Variants in TGIF1 observed in about 807,000 individuals in gnomAD.
TGIF1 encodes the protein homeobox protein TGIF1.
TGIF1 carries 4 observed loss-of-function variants against 19.3 expected under a neutral mutation model. The ratio of observed to expected loss-of-function variants is 0.21; its 90% CI spans 0.10 to 0.47. The LOEUF (loss-of-function observed/expected upper bound fraction) is 0.47. Ranked by LOEUF, TGIF1 falls within the 20% of genes least tolerant of loss-of-function variation. The pLI is 0.98. For missense variants in TGIF1, 275 were observed against 341.4 expected, an observed-to-expected ratio of 0.81 and a Z score of 1.53; for synonymous variants, 122 against 129.3, an observed-to-expected ratio of 0.94 and a Z score of 0.38.
At position 3,457,566 on chromosome 18, in the gene TGIF1, A is replaced by T. The variant is rs761613438; in HGVS notation, c.445A>T (p.Asn149Tyr). ...TPFHSCTAGP[N>Y]PTLGRPLSPK... ...ATTTCATTCCTGTACAGCTGGGCCA[A>T]ACCCAACCCTAGGGAGGCCACTGTC... The change falls in exon 3 of 3, where the codon AAC (asparagine) becomes TAC (tyrosine). Residue 149 changes from asparagine (N) to tyrosine (Y), a missense_variant. Coordinates refer to ENST00000343820, the MANE Select transcript of TGIF1 (RefSeq NM_003244.4). This position sits in a 1 kb window ranked among gnomAD's most constrained non-coding sequence, Gnocchi z 4.9. 2 of 1,614,148 alleles carry T rather than the reference A, an allele frequency of 1.2e-6. No homozygotes were observed. The highest frequency in any genetic ancestry group is 8.5e-7 in the Non-Finnish European group (1 of 1,180,016).
chr18:3,421,289 G>A (rs1036335758), intron 2 of TGIF1, among the ~76,000 whole-genome samples: 16 of 146,606 alleles, frequency 1.1e-4, no homozygotes, highest in Non-Finnish European at 1.9e-4. Flanking sequence ...TGGAGTTTGC[G>A]TCTTACTATA....
upstream of TGIF1, among the ~76,000 whole-genome samples, chr18:3,447,194 G>GA (rs2082759158): frequency 1.3e-5 from 2 of 151,766 alleles, no homozygotes; most frequent in Admixed American, 6.6e-5. Flanking sequence ...TGCCTGGAGA[G>GA]AAAAAAAATA....
At chr18:3,421,408 T>A (rs1037107782) in intron 2 of TGIF1, among the ~76,000 whole-genome samples, 2 of 147,804 alleles carry the variant, frequency 1.4e-5, no homozygotes, top group African/African-American at 4.9e-5. Flanking sequence ...GTATATAAAA[T>A]ATATATATAC....
intron 2 of TGIF1, among the ~76,000 whole-genome samples, chr18:3,424,099 A>G (rs1204318783): frequency 6.6e-6 from 1 of 152,210 alleles, no homozygotes; most frequent in African/African-American, 2.4e-5. Flanking sequence ...ATTTGGGTCT[A>G]TGTGAGAGCA....
chr18:3,445,505 A>G (rs2082729143), upstream of TGIF1, among the ~76,000 whole-genome samples: 1 of 151,672 alleles, frequency 6.6e-6, no homozygotes, highest in Non-Finnish European at 1.5e-5. Flanking sequence ...CGGGCGGATC[A>G]TGAGGTCAGG....
At chr18:3,433,519 T>C (rs768713820) in intron 2 of TGIF1, among the ~76,000 whole-genome samples, 22 of 152,314 alleles carry the variant, frequency 1.4e-4, no homozygotes, top group Middle Eastern at 3.4e-3. Context: ...AGGACAAATA[T>C]TGTGATTCTA....
chr18:3,434,828 C>G, intron 2 of TGIF1, among the ~76,000 whole-genome samples: 1 of 152,182 alleles, frequency 6.6e-6, no homozygotes. Context: ...TGTTTGGTGA[C>G]CCGTGACCCT....
intron 1 of TGIF1, chr18:3,453,876 T>G (rs2083077026): frequency 1.0e-6 from 1 of 980,828 alleles, no homozygotes; most frequent in African/African-American, 1.7e-5. Context: ...GCAAGACGTT[T>G]GGAAACAAGT....
At chr18:3,447,634 G>T (rs1329579302), upstream of TGIF1, 3 of 1,254,076 alleles carry the variant, frequency 2.4e-6, no homozygotes, top group South Asian at 3.6e-5. Context: ...GGAGGCAGTG[G>T]GGGTGCATCT....
chr18:3,452,768 C>T (rs550918986), intron 1 of TGIF1, among the ~76,000 whole-genome samples: 1 of 152,296 alleles, frequency 6.6e-6, no homozygotes, highest in East Asian at 1.9e-4. Context: ...TCGGGCCCTC[C>T]TTACTGTCTT....
chr18:3,443,125 T>C (rs534178062), intron 2 of TGIF1, among the ~76,000 whole-genome samples: 2 of 152,330 alleles, frequency 1.3e-5, no homozygotes, highest in East Asian at 3.9e-4. Flanking sequence ...CCCAGCCGGT[T>C]CATTATCAGT....
Position 3,457,581 on chromosome 18 carries a change from A to G in TGIF1, c.460A>G (p.Arg154Gly), listed in dbSNP as rs2049399407. 9 of 1,614,168 alleles carry G rather than the reference A, an allele frequency of 5.6e-6. No homozygotes were observed. Among genetic ancestry groups the G allele is most frequent in the Middle Eastern group, 1.6e-4 (1 of 6,062 alleles). Reference protein sequence around the residue: ...CTAGPNPTLGRPLSPKPSSPG... With the variant: ...CTAGPNPTLGGPLSPKPSSPG... ...AGCTGGGCCAAACCCAACCCTAGGG[A>G]GGCCACTGTCTCCTAAGCCGTCATC... is the stretch of plus-strand genomic sequence containing the variant. The change falls in exon 3 of 3, where the codon AGG (arginine) becomes GGG (glycine). Residue 154 changes from arginine (R) to glycine (G), a missense_variant. Arg to Gly is a moderately radical substitution (Grantham distance 125). Coordinates refer to ENST00000343820, the MANE Select transcript of TGIF1 (RefSeq NM_003244.4). This position sits in a 1 kb window ranked among gnomAD's most constrained non-coding sequence, Gnocchi z 4.9.
intron 2 of TGIF1, among the ~76,000 whole-genome samples, chr18:3,433,295 A>G (rs2082574189): frequency 6.6e-6 from 1 of 151,862 alleles, no homozygotes; most frequent in South Asian, 2.1e-4. Context: ...GCTGGTCTCC[A>G]ACTCCTGGCC....
Position 3,459,658 on chromosome 18 carries a change from G to A in TGIF1, c.*1718G>A, listed in dbSNP as rs1340977955. ...TAGTATAGATGAGGGAAATGAGCAA[G>A]TCCTAAAAGGTTTGCCCTGTTACGG... On this transcript the variant is annotated 3_prime_UTR_variant, in exon 3 of 3. Coordinates refer to ENST00000343820, the MANE Select transcript of TGIF1 (RefSeq NM_003244.4). The A allele has an allele frequency of 6.6e-6, 1 of 152,214 alleles. No individual in the cohort carries two copies. Among genetic ancestry groups the A allele is most frequent in the Non-Finnish European group, 1.5e-5 (1 of 68,036 alleles). 9.4% of individuals were successfully genotyped at this position (152,214 alleles called of 1,614,324 possible).
At chr18:3,439,222 T>C (rs1274772421) in intron 2 of TGIF1, among the ~76,000 whole-genome samples, 3 of 152,136 alleles carry the variant, frequency 2.0e-5, no homozygotes, top group Non-Finnish European at 4.4e-5. Context: ...GGGGATTTAT[T>C]ACACTAGGAT....
chr18:3,415,119 G>A (rs28653204), intron 1 of TGIF1: 2,133 of 162,916 alleles, frequency 0.013, 52 homozygotes, highest in African/African-American at 0.048. Context: ...TCCCTCAATG[G>A]CTGAGACAGA....
Position 3,451,846 on chromosome 18 carries a change from A to G in TGIF1, c.16+1341A>G, listed in dbSNP as rs576322383. The stretch of plus-strand genomic sequence containing the variant: ...CGGGACAGGGAATTGGCCCTGGGAG[A>G]AAACGCGCGGGGGGCGTCCGAGACG... On this transcript the variant is annotated intron_variant, in intron 1 of 2. Coordinates refer to ENST00000343820, the MANE Select transcript of TGIF1 (RefSeq NM_003244.4). This position sits in a 1 kb window ranked among gnomAD's most constrained non-coding sequence, Gnocchi z 5.4. The G allele has an allele frequency of 1.4e-6, 2 of 1,390,914 alleles. No individual in the cohort carries two copies. The highest frequency in any genetic ancestry group is 2.7e-5 in the East Asian group (1 of 37,112). The allele number at this position is 1,390,914 out of a possible 1,614,324, so 86.2% of individuals were successfully genotyped here.
chr18:3,428,095 A>T (rs894945259), intron 2 of TGIF1, among the ~76,000 whole-genome samples: 7 of 152,220 alleles, frequency 4.6e-5, no homozygotes, highest in African/African-American at 1.4e-4. Flanking sequence ...TGTGGAACGG[A>T]TGCAGATAAA....
chr18:3,438,465 T>A (rs1257093280), intron 2 of TGIF1, among the ~76,000 whole-genome samples: 1 of 152,054 alleles, frequency 6.6e-6, no homozygotes, highest in African/African-American at 2.4e-5. Context: ...GTTTTAAAAC[T>A]TTGTAATATG....
Sources: gnomAD v4.1 joint callset for allele counts (sites outside exome capture counted in the v4.1 genomes callset) on GRCh38, gnomAD v4.1.1 for gene constraint, Gnocchi (gnomAD v3.1) non-coding constraint, MANE v1.5 for transcripts, NCBI Gene and HGNC (gene_info 2026-07-23, HGNC 2026-07-21) for gene names.